The following COL22A1 variants were observed in gnomAD, a reference collection of about 807,000 sequenced individuals.
COL22A1 encodes the protein collagen alpha-1(XXII) chain.
In COL22A1, 221 loss-of-function variants were observed where a neutral mutation model predicts 248.9. That is an observed-to-expected ratio of 0.89 (90% CI 0.80 to 0.99). The LOEUF (loss-of-function observed/expected upper bound fraction) is 0.99. COL22A1 is among the 50% of genes least tolerant of loss of function. The pLI is 0.00. For missense variants in COL22A1, 2,240 were observed against 2,179.0 expected (o/e 1.03, Z -0.56); for synonymous variants, 891 against 793.4 (o/e 1.12, Z -2.07).
chr8:138,901,236 G>A (rs936965674), intron 1 of COL22A1, among the ~76,000 whole-genome samples: 16 of 151,904 alleles, frequency 1.1e-4, no homozygotes, highest in African/African-American at 3.9e-4. Flanking sequence ...CTGATTAATG[G>A]GAAGGAGCAT....
At position 138,689,044 on chromosome 8, in the gene COL22A1, G is replaced by A. The variant is rs372938007; in HGVS notation, c.2809-74C>T. 84 of 1,232,130 alleles carry A rather than the reference G, an allele frequency of 6.8e-5. No homozygotes were observed. The African/African-American group carries it at 1.2e-3, about 17-fold the overall frequency. 76.3% of individuals were successfully genotyped at this position (1,232,130 alleles called of 1,614,324 possible). ...ACTCTTGGTGGCTCGTGACCCCCAG[G>A]GAAGAATCATCAGGTCCCCCTGAAG... is the stretch of plus-strand genomic sequence containing the variant. On this transcript the variant is annotated intron_variant, in intron 36 of 64. Transcript: ENST00000303045.
At chr8:138,634,959 G>T (rs1219842767) in intron 49 of COL22A1, 51 bp downstream of exon 49, 2 of 1,185,556 alleles carry the variant, frequency 1.7e-6, no homozygotes, top group Non-Finnish European at 2.5e-6. Context: ...GTTGAGATGT[G>T]CATTCAAATG....
At chr8:138,687,413 C>T (rs1357972891) in intron 37 of COL22A1, among the ~76,000 whole-genome samples, 8 of 152,174 alleles carry the variant, frequency 5.3e-5, no homozygotes, top group Non-Finnish European at 8.8e-5. Context: ...GACATCTCCT[C>T]GTGTTAAATT....
chr8:138,649,655 T>G lies in COL22A1; in HGVS notation c.3447+10A>C. The G allele has an allele frequency of 6.8e-6, 11 of 1,610,258 alleles. No individual in the cohort carries two copies. The highest frequency in any genetic ancestry group is 8.5e-6 in the Non-Finnish European group (10 of 1,178,138). ...AATGATAAAAATCGAGTTTCCCCTT[T>G]TCTCCTTACCTTTTTCCCTTCTGTG... On this transcript the variant is annotated intron_variant, in intron 46 of 64. Coordinates refer to ENST00000303045, the MANE Select transcript of COL22A1 (RefSeq NM_152888.3).
intron 30 of COL22A1, among the ~76,000 whole-genome samples, chr8:138,713,562 A>ATG (rs1464880638): frequency 6.6e-6 from 1 of 152,184 alleles, no homozygotes; most frequent in Non-Finnish European, 1.5e-5. Flanking sequence ...CATCTCGTGC[A>ATG]TGTGCGGTTT....
chr8:138,762,598 A>G, intron 16 of COL22A1, 132 bp from the exon 17 acceptor site: 1 of 641,442 alleles, frequency 1.6e-6, no homozygotes, highest in African/African-American at 1.9e-5. Flanking sequence ...GCACACACAC[A>G]CACACACACA....
chr8:138,810,916 AG>A (rs934170781), intron 9 of COL22A1, among the ~76,000 whole-genome samples: 10 of 152,318 alleles, frequency 6.6e-5, no homozygotes, highest in Admixed American at 1.3e-4. Context: ...TCTCACATGC[AG>A]GGACTGAGCT....
At chr8:138,700,756 G>A (rs948140929) in intron 31 of COL22A1, among the ~76,000 whole-genome samples, 2 of 152,154 alleles carry the variant, frequency 1.3e-5, no homozygotes, top group Admixed American at 1.3e-4. Context: ...AGGCCAAGGC[G>A]GGCGGATCAC....
At chr8:138,846,541 C>T (rs530061000) in intron 3 of COL22A1, among the ~76,000 whole-genome samples, 8 of 152,236 alleles carry the variant, frequency 5.3e-5, no homozygotes, top group Non-Finnish European at 7.4e-5. Context: ...TCACCAGGCT[C>T]GAGGGGCAGT....
intron 22 of COL22A1, among the ~76,000 whole-genome samples, chr8:138,749,876 G>C (rs936395301): frequency 3.3e-5 from 5 of 152,134 alleles, no homozygotes; most frequent in African/African-American, 1.2e-4. Context: ...ATGGGAAGTG[G>C]GGGCGAGTGA....
At chr8:138,827,536 T>C (rs1819689635) in intron 5 of COL22A1, among the ~76,000 whole-genome samples, 2 of 151,992 alleles carry the variant, frequency 1.3e-5, no homozygotes, top group South Asian at 2.1e-4. Flanking sequence ...TAGACTGGGA[T>C]GTAGCACATC....
rs1819212614 is a variant in COL22A1, at chr8:138,615,207, A to C, written c.3924+794T>G. 2.0e-5 allele frequency among the ~76,000 whole-genome samples: 3 copies of C among 151,934 alleles called. No individual in the cohort carries two copies. In the South Asian group the frequency reaches 6.2e-4, roughly 32 times the overall value. On this transcript the variant is annotated intron_variant, in intron 55 of 64. Transcript: ENST00000303045. ...GTCCCTTTATCTCTCTGGATCTCAAATTTTTCATTTGTACACCTGGGGTCA... is the reference window on the plus strand; with the variant it reads ...GTCCCTTTATCTCTCTGGATCTCAACTTTTTCATTTGTACACCTGGGGTCA...
chr8:138,845,867 C>G (rs1821207932), intron 3 of COL22A1, among the ~76,000 whole-genome samples: 1 of 152,118 alleles, frequency 6.6e-6, no homozygotes, highest in Admixed American at 6.5e-5. Context: ...GAAGACCCAG[C>G]CCTGCCCATG....
intron 64 of COL22A1, 50 bp downstream of exon 64, chr8:138,591,374 T>A: frequency 2.9e-6 from 4 of 1,399,242 alleles, no homozygotes; most frequent in Non-Finnish European, 3.9e-6. Flanking sequence ...GGGTGCTGGG[T>A]CTCCAGGGTA....
At chr8:138,627,886 GA>G (rs560742276) in intron 50 of COL22A1, among the ~76,000 whole-genome samples, 5 of 151,944 alleles carry the variant, frequency 3.3e-5, no homozygotes, top group African/African-American at 9.7e-5. Context: ...AATTTAGGTG[GA>G]AAAAAATACC....
intron 34 of COL22A1, 62 bp downstream of exon 34, chr8:138,694,446 G>A (rs1165750171): frequency 2.0e-5 from 30 of 1,521,666 alleles, no homozygotes; most frequent in African/African-American, 2.7e-5. Context: ...GGCCTGGAGC[G>A]AGAGAGTGTG....
chr8:138,706,988 A>G (rs1252421091), intron 30 of COL22A1, among the ~76,000 whole-genome samples: 1 of 152,244 alleles, frequency 6.6e-6, no homozygotes, highest in Non-Finnish European at 1.5e-5. Context: ...ACAAACTACC[A>G]TCAGAGAATA....
intron 50 of COL22A1, among the ~76,000 whole-genome samples, chr8:138,628,941 A>G (rs1425229722): frequency 6.6e-6 from 1 of 151,492 alleles, no homozygotes; most frequent in Non-Finnish European, 1.5e-5. Flanking sequence ...AATTTTTTGT[A>G]TTTTTAGTAG....
chr8:138,811,731 C>A, intron 9 of COL22A1, 68 bp downstream of exon 9: 1 of 1,596,878 alleles, frequency 6.3e-7, no homozygotes. Flanking sequence ...AGGCCACATG[C>A]ATGATGGGAA....
Sources: allele counts gnomAD v4.1 joint callset (sites outside exome capture counted in the v4.1 genomes callset), GRCh38; gene constraint gnomAD v4.1.1; transcripts MANE v1.5; gene names NCBI Gene and HGNC (gene_info 2026-07-23, HGNC 2026-07-21).